The following CREBBP variants were observed in gnomAD, a reference collection of about 807,000 sequenced individuals.
CREBBP encodes the protein CREB-binding protein.
CREBBP carries 19 observed loss-of-function variants against 265.0 expected under a neutral mutation model. The ratio of observed to expected loss-of-function variants is 0.07; its 90% CI spans 0.05 to 0.11. The LOEUF (loss-of-function observed/expected upper bound fraction) is 0.11. CREBBP is among the 10% of genes least tolerant of loss of function. CREBBP has a pLI of 1.00. For missense variants in CREBBP, 2,525 were observed against 3,219.0 expected (o/e 0.78, Z 5.22); for synonymous variants, 1,457 against 1,223.7 (o/e 1.19, Z -3.98).
intron 1 of CREBBP, among the ~76,000 whole-genome samples, chr16:3,855,467 G>A (rs1039405663): frequency 1.3e-5 from 2 of 152,166 alleles, no homozygotes; most frequent in African/African-American, 4.8e-5. Flanking sequence ...GTTTCGCCAC[G>A]TTGGCCAGGC....
chr16:3,744,487 T>C (rs894224636), intron 23 of CREBBP, among the ~76,000 whole-genome samples: 2 of 152,246 alleles, frequency 1.3e-5, no homozygotes, highest in African/African-American at 4.8e-5. Context: ...CTGACTTTCA[T>C]ATAACAATCA....
chr16:3,879,300 C>T (rs2055471865), intron 1 of CREBBP, among the ~76,000 whole-genome samples: 1 of 152,092 alleles, frequency 6.6e-6, no homozygotes, highest in African/African-American at 2.4e-5. Context: ...AAGCATCTTT[C>T]CAAGGAACTC....
rs192460570 is a variant in CREBBP, at chr16:3,735,096, G to A, written c.4728+940C>T. Among the ~76,000 whole-genome samples, 437 of 152,040 alleles carry A rather than the reference G, an allele frequency of 2.9e-3. 1 individual carries two copies. The highest frequency in any genetic ancestry group is 5.3e-3 in the Non-Finnish European group (362 of 67,956). The stretch of plus-strand genomic sequence containing the variant: ...CTTCCCCAGACAGCCGCACAAACCC[G>A]CACACAGCGCGCCTCCTCCCACCGC... On this transcript the variant is annotated intron_variant, in intron 28 of 30. Transcript: ENST00000262367.
chr16:3,793,752 A>C (rs1219291771), intron 3 of CREBBP, 126 bp from the exon 4 acceptor site: 2 of 1,167,332 alleles, frequency 1.7e-6, no homozygotes, highest in African/African-American at 3.1e-5. Flanking sequence ...AGGCTGGTGT[A>C]GTTCTCTAAC....
At position 3,810,589 on chromosome 16, in the gene CREBBP, C is replaced by T. The variant is rs535745718; in HGVS notation, c.975+14G>A. On this transcript the variant is annotated intron_variant, in intron 3 of 30. Coordinates refer to ENST00000262367, the MANE Select transcript of CREBBP (RefSeq NM_004380.3). The stretch of plus-strand genomic sequence containing the variant: ...ACCGGAGAGCCATAACACTGAGGGC[C>T]AAGGGTAACTTACCATATTTGGCAC... 6 of 1,613,304 alleles carry T rather than the reference C, an allele frequency of 3.7e-6. No individual in the cohort carries two copies. The Admixed American group carries it at 5.0e-5, about 13-fold the overall frequency.
intron 5 of CREBBP, among the ~76,000 whole-genome samples, chr16:3,784,087 C>T (rs900087141): frequency 6.6e-6 from 1 of 152,146 alleles, no homozygotes; most frequent in Non-Finnish European, 1.5e-5. Context: ...TTAAAAATAG[C>T]ATCTTATAGT....
At chr16:3,810,344 T>C (rs2053913044) in intron 3 of CREBBP, among the ~76,000 whole-genome samples, 1 of 152,214 alleles carries the variant, frequency 6.6e-6, no homozygotes, top group South Asian at 2.1e-4. Flanking sequence ...GTAAAGTGAT[T>C]CGTGCACGTG....
intron 2 of CREBBP, among the ~76,000 whole-genome samples, chr16:3,842,419 T>C (rs916154503): frequency 3.3e-5 from 5 of 152,206 alleles, no homozygotes; most frequent in African/African-American, 1.2e-4. Flanking sequence ...TTTTGCTTTC[T>C]TTCTAGAGGA....
chr16:3,810,556 C>A (rs766626564), intron 3 of CREBBP, 47 bp downstream of exon 3: 1 of 1,602,660 alleles, frequency 6.2e-7, no homozygotes. Context: ...CCACAGACCA[C>A]AGCACCCACC....
chr16:3,866,190 A>AG, intron 1 of CREBBP, among the ~76,000 whole-genome samples: 1 of 152,336 alleles, frequency 6.6e-6, no homozygotes, highest in East Asian at 1.9e-4. Context: ...TTTTTTCTAA[A>AG]GGGATGTGAC....
chr16:3,869,332 C>A (rs377273179), intron 1 of CREBBP, among the ~76,000 whole-genome samples: 1 of 152,210 alleles, frequency 6.6e-6, no homozygotes, highest in African/African-American at 2.4e-5. Context: ...GCCTACATCA[C>A]AGCATAACAA....
chr16:3,865,271 A>G (rs766634004), intron 1 of CREBBP, among the ~76,000 whole-genome samples: 35 of 152,248 alleles, frequency 2.3e-4, no homozygotes, highest in Admixed American at 5.2e-4. Flanking sequence ...TTACAAGGCT[A>G]TTCATTAAAG....
chr16:3,810,454 T>C (rs1356976117), intron 3 of CREBBP, 149 bp downstream of exon 3: 2 of 883,092 alleles, frequency 2.3e-6, no homozygotes, highest in Non-Finnish European at 3.7e-6. Context: ...TAAACTCATT[T>C]AGAGAGCTAC....
intron 2 of CREBBP, among the ~76,000 whole-genome samples, chr16:3,843,920 G>A (rs906687232): frequency 1.3e-5 from 2 of 151,466 alleles, no homozygotes; most frequent in Admixed American, 6.6e-5. Context: ...AGGCCGAGGC[G>A]GGCGGATCAC....
intron 25 of CREBBP, chr16:3,739,363 C>A (rs535612891): frequency 4.1e-5 from 25 of 610,958 alleles, no homozygotes; most frequent in Non-Finnish European, 6.8e-5. Context: ...CACACAGACT[C>A]GCCACACAAA....
At chr16:3,877,126 C>T (rs897803684) in intron 1 of CREBBP, among the ~76,000 whole-genome samples, 1 of 152,040 alleles carries the variant, frequency 6.6e-6, no homozygotes, top group African/African-American at 2.4e-5. Context: ...AGACAGAGGT[C>T]CCCTCCCTCA....
chr16:3,872,626 G>T (rs1228881670), intron 1 of CREBBP, among the ~76,000 whole-genome samples: 1 of 152,232 alleles, frequency 6.6e-6, no homozygotes, highest in East Asian at 1.9e-4. Flanking sequence ...CCTCAGAGAG[G>T]ACTAAAGGGA....
Position 3,728,007 on chromosome 16 carries a change from G to A in CREBBP, c.7040C>T (p.Ala2347Val), listed in dbSNP as rs182347573. Residue 2347 changes from alanine to valine, a missense_variant, in exon 31 of 31, where the codon GCC (alanine) becomes GTC (valine). This residue lies in a region of CREBBP where 473 missense variants were observed against 459.3 expected (regional missense o/e 1.03). Coordinates refer to ENST00000262367, the MANE Select transcript of CREBBP (RefSeq NM_004380.3). The surrounding 1 kb of genome is among the most constrained non-coding windows in gnomAD (Gnocchi z 8.7). Reference protein sequence around the residue: ...TSLSNQVRSPAPVQSPRPQSQ... With the variant: ...TSLSNQVRSPVPVQSPRPQSQ... ...CTGGGGCCGTGGAGACTGGACAGGG[G>A]CTGGAGACCGCACCTGGTTACTAAG... The A allele has an allele frequency of 6.0e-5, 97 of 1,610,712 alleles. No individual in the cohort carries two copies. The highest frequency in any genetic ancestry group is 7.7e-5 in the Non-Finnish European group (91 of 1,177,574).
chr16:3,761,117 G>C (rs1239842189), intron 16 of CREBBP, among the ~76,000 whole-genome samples: 1 of 152,068 alleles, frequency 6.6e-6, no homozygotes, highest in Non-Finnish European at 1.5e-5. Flanking sequence ...ACCACACCCA[G>C]CTAATTTTGT....
Sources: gnomAD v4.1 joint callset for allele counts (sites outside exome capture counted in the v4.1 genomes callset) on GRCh38, gnomAD v4.1.1 for gene constraint, gnomAD v4.1.1 regional missense constraint, Gnocchi (gnomAD v3.1) non-coding constraint, MANE v1.5 for transcripts, NCBI Gene and HGNC (gene_info 2026-07-23, HGNC 2026-07-21) for gene names.